The following ERC2 variants were observed in gnomAD, a reference collection of about 807,000 sequenced individuals.
ERC2 encodes the protein ERC protein 2.
A neutral mutation model predicts 114.8 loss-of-function variants in ERC2; 42 were observed. The ratio of observed to expected loss-of-function variants is 0.37; its 90% CI spans 0.29 to 0.47. The LOEUF (loss-of-function observed/expected upper bound fraction) is 0.47. ERC2 is among the 20% of genes least tolerant of loss of function. The probability of loss-of-function intolerance (pLI) is 0.99; values close to 1 mark genes in which losing one functional copy is unlikely to be tolerated. For synonymous variants in ERC2, 454 were observed against 425.5 expected (o/e 1.07, Z -0.82); for missense variants, 939 against 1,150.7 (o/e 0.82, Z 2.66).
At chr3:55,827,574 T>C (rs1186521543) in intron 14 of ERC2, among the ~76,000 whole-genome samples, 1 of 152,204 alleles carries the variant, frequency 6.6e-6, no homozygotes, top group African/African-American at 2.4e-5. Flanking sequence ...AAGATGTTGA[T>C]TGAATAATCA....
intron 17 of ERC2, among the ~76,000 whole-genome samples, chr3:55,522,757 T>C (rs897030907): frequency 6.6e-6 from 1 of 152,204 alleles, no homozygotes; most frequent in Non-Finnish European, 1.5e-5. Context: ...CTCAGGGATA[T>C]AAGTGAACTC....
intron 17 of ERC2, among the ~76,000 whole-genome samples, chr3:55,671,137 T>C (rs2061541995): frequency 1.3e-5 from 2 of 152,206 alleles, no homozygotes; most frequent in South Asian, 4.1e-4. Flanking sequence ...ATGAAATACA[T>C]AAAATACCAT....
At chr3:55,962,977 C>T (rs185502816) in intron 12 of ERC2, among the ~76,000 whole-genome samples, 12 of 152,326 alleles carry the variant, frequency 7.9e-5, no homozygotes, top group Non-Finnish European at 1.0e-4. Flanking sequence ...TCACAGGACG[C>T]CCCTGGCCAG....
chr3:55,692,485 T>A (rs2062719056), intron 16 of ERC2, among the ~76,000 whole-genome samples: 2 of 152,104 alleles, frequency 1.3e-5, no homozygotes. Context: ...GGCTGGAAAT[T>A]CCCCTCTTTA....
chr3:56,037,138 T>C (rs2074860830), intron 7 of ERC2, among the ~76,000 whole-genome samples: 3 of 152,156 alleles, frequency 2.0e-5, no homozygotes, highest in African/African-American at 7.2e-5. Context: ...CCAGAGTGCC[T>C]ATTCTCCTCT....
chr3:56,148,500 C>T (rs1312640490), intron 5 of ERC2, among the ~76,000 whole-genome samples: 3 of 152,052 alleles, frequency 2.0e-5, no homozygotes, highest in African/African-American at 4.8e-5. Context: ...TTAGCCAGGC[C>T]GGTCTCGAAC....
intron 15 of ERC2, among the ~76,000 whole-genome samples, chr3:55,734,251 T>A (rs2065483587): frequency 6.6e-6 from 1 of 152,108 alleles, no homozygotes; most frequent in Admixed American, 6.6e-5. Context: ...CTAAGCATAG[T>A]CTGGCAGTGC....
chr3:56,349,204 C>A (rs891717576), intron 2 of ERC2, among the ~76,000 whole-genome samples: 4 of 152,130 alleles, frequency 2.6e-5, no homozygotes, highest in African/African-American at 9.7e-5. Context: ...ATAGAGCAGG[C>A]CTGGTGTACA....
At chr3:55,555,293 C>T (rs1045052412) in intron 17 of ERC2, among the ~76,000 whole-genome samples, 3 of 152,092 alleles carry the variant, frequency 2.0e-5, no homozygotes, top group South Asian at 2.1e-4. Context: ...TTGTCTTGAC[C>T]GGTGGAGAAA....
intron 15 of ERC2, among the ~76,000 whole-genome samples, chr3:55,717,490 T>C (rs548725476): frequency 6.6e-6 from 1 of 152,178 alleles, no homozygotes; most frequent in South Asian, 2.1e-4. Flanking sequence ...CTCTCTGGGG[T>C]CCAGGGAAGC....
At chr3:56,438,653 G>C (rs775692399) in intron 1 of ERC2, among the ~76,000 whole-genome samples, 1 of 152,026 alleles carries the variant, frequency 6.6e-6, no homozygotes, top group Non-Finnish European at 1.5e-5. Flanking sequence ...GTTCTAACTG[G>C]GCCACCACTT....
At position 55,733,255 on chromosome 3, in the gene ERC2, C is replaced by T. The variant is rs531815294; in HGVS notation, c.2712+1516G>A. Among the ~76,000 whole-genome samples the T allele has an allele frequency of 1.1e-4, 17 of 152,144 alleles. No homozygotes were observed. The South Asian group carries it at 3.5e-3, about 32-fold the overall frequency. On this transcript the variant is annotated intron_variant, in intron 15 of 17. Coordinates refer to ENST00000288221, the MANE Select transcript of ERC2 (RefSeq NM_015576.3). ...ATCCAGTGTAAAAGATGCACAGCTC[C>T]AAACAAAGAGGTCAGGTGTAAGCAA...
chr3:55,550,809 G>T lies in ERC2; in HGVS notation c.*40-39533C>A, dbSNP rs193103184. 1.6e-3 allele frequency among the ~76,000 whole-genome samples: 243 copies of T among 152,234 alleles called. 3 individuals are homozygous for T. The East Asian group carries it at 0.03, about 18-fold the overall frequency. ...AGGCGGGCAGATCACGAGGTCAGGA[G>T]ATCGAGACCATCCTGGCTAACACGG... On this transcript the variant is annotated intron_variant, in intron 17 of 17. Coordinates refer to ENST00000288221, the MANE Select transcript of ERC2 (RefSeq NM_015576.3).
At chr3:56,390,864 C>A (rs2060102968) in intron 2 of ERC2, among the ~76,000 whole-genome samples, 1 of 152,130 alleles carries the variant, frequency 6.6e-6, no homozygotes, top group Non-Finnish European at 1.5e-5. Context: ...GGACCCCTCC[C>A]AGGGTGGAAG....
intron 13 of ERC2, among the ~76,000 whole-genome samples, chr3:55,949,618 G>T (rs927086332): frequency 5.3e-5 from 8 of 152,204 alleles, no homozygotes; most frequent in African/African-American, 1.9e-4. Flanking sequence ...TTAAAAAGAT[G>T]AACTATGAGT....
At chr3:55,897,014 G>C (rs1164044695) in intron 13 of ERC2, among the ~76,000 whole-genome samples, 1 of 152,140 alleles carries the variant, frequency 6.6e-6, no homozygotes, top group Non-Finnish European at 1.5e-5. Context: ...TCATCACCTG[G>C]CTTTCTAAAA....
intron 17 of ERC2, among the ~76,000 whole-genome samples, chr3:55,521,866 T>C (rs1575459953): frequency 6.6e-6 from 1 of 152,150 alleles, no homozygotes; most frequent in African/African-American, 2.4e-5. Flanking sequence ...CCTGGGTCGG[T>C]TGTGGTCACT....
intron 3 of ERC2, among the ~76,000 whole-genome samples, chr3:56,279,481 G>T (rs575330422): frequency 6.6e-6 from 1 of 152,224 alleles, no homozygotes; most frequent in African/African-American, 2.4e-5. Flanking sequence ...GGATGGAGGA[G>T]GAAGGAAGCC....
intron 2 of ERC2, among the ~76,000 whole-genome samples, chr3:56,409,107 C>A (rs556663273): frequency 2.0e-5 from 3 of 152,194 alleles, no homozygotes; most frequent in Non-Finnish European, 4.4e-5. Context: ...CATGCCTGCT[C>A]GCTCACTGGG....
Sources: gnomAD v4.1 joint callset for allele counts (sites outside exome capture counted in the v4.1 genomes callset) on GRCh38, gnomAD v4.1.1 for gene constraint, MANE v1.5 for transcripts, NCBI Gene and HGNC (gene_info 2026-07-23, HGNC 2026-07-21) for gene names.